The following NOA1 variants were observed in gnomAD, a reference collection of about 807,000 sequenced individuals.
NOA1 encodes nitric oxide-associated protein 1.
Under a neutral mutation model 58.4 loss-of-function variants are expected in NOA1, and 35 were observed. The observed-to-expected ratio is 0.60, with a 90% CI of 0.46 to 0.79. The LOEUF is 0.79. NOA1 is among the 30% of genes least tolerant of loss of function. The pLI, the probability that NOA1 is intolerant of heterozygous loss-of-function variation, is 0.00. For synonymous variants in NOA1, 397 were observed against 373.4 expected, an observed-to-expected ratio of 1.06 and a Z score of -0.73; for missense variants, 895 against 894.6, an observed-to-expected ratio of 1.00 and a Z score of -0.01.
At position 56,977,094 on chromosome 4, in the gene NOA1, G is replaced by A. The variant is rs891821095; in HGVS notation, c.492C>T (p.Phe164=). 2 of 1,568,668 alleles carry A rather than the reference G, an allele frequency of 1.3e-6. No individual in the cohort carries two copies. Among genetic ancestry groups the A allele is most frequent in the Non-Finnish European group, 1.7e-6 (2 of 1,160,850 alleles). The change falls in exon 1 of 7, where the codon TTC becomes TTT. Residue 164 remains phenylalanine (F), a synonymous_variant. Coordinates refer to ENST00000264230, the MANE Select transcript of NOA1 (RefSeq NM_032313.4). ...GVPGYLPREK[F]LRTAEADGGL... ...CGCCGTCTGCCTCCGCCGTGCGGAG[G>A]AACTTCTCTCGGGGCAGGTAGCCGG... is the stretch of plus-strand genomic sequence containing the variant.
At position 56,977,118 on chromosome 4, in the gene NOA1, G is replaced by C. The variant is rs563555618; in HGVS notation, c.468C>G (p.Pro156=). Residue 156 remains proline, a synonymous_variant, in exon 1 of 7, where the codon CCC becomes CCG. Transcript: ENST00000264230. ...GGAACTTCTCTCGGGGCAGGTAGCC[G>C]GGCACTCCGGCGTCCTGGCAGTGCA... ...AELHCQDAGV[P]GYLPREKFLR... is the part of the protein sequence containing the mutation. 5 of 1,556,780 alleles carry C rather than the reference G, an allele frequency of 3.2e-6. No homozygotes were observed. In the South Asian group the frequency reaches 3.4e-5, roughly 11 times the overall value.
At chr4:56,967,391 A>C (rs9942158) in intron 4 of NOA1, among the ~76,000 whole-genome samples, 14,107 of 151,138 alleles carry the variant, frequency 0.093, 992 homozygotes, top group East Asian at 0.21. Context: ...AAAAAAAAAA[A>C]CAAAAAAACA....
intron 1 of NOA1, 65 bp from the exon 2 acceptor site, chr4:56,974,087 T>TTAATGATTCGGCAACCACC: frequency 1.9e-6 from 2 of 1,060,822 alleles, no homozygotes; most frequent in Admixed American, 4.5e-5. Flanking sequence ...TGAACATTTT[T>TTAATGATTCGGCAACCACC]GAGGATCTAC....
At chr4:56,972,831 G>C (rs1202388670) in intron 3 of NOA1, among the ~76,000 whole-genome samples, 4 of 152,160 alleles carry the variant, frequency 2.6e-5, no homozygotes, top group Non-Finnish European at 5.9e-5. Flanking sequence ...CACAGAACTT[G>C]ATGGCATACA....
At position 56,963,522 on chromosome 4, in the gene NOA1, C is replaced by A; in HGVS notation, c.2025G>T (p.Val675=). 1 of 1,613,888 alleles carries A rather than the reference C, an allele frequency of 6.2e-7. No homozygotes were observed. Among genetic ancestry groups the A allele is most frequent in the African/African-American group, 1.3e-5 (1 of 74,960 alleles). Residue 675 remains valine, a synonymous_variant, in exon 7 of 7, where the codon GTG becomes GTT. Transcript: ENST00000264230. The stretch of plus-strand genomic sequence containing the variant: ...AAGGAGGCTTCTTGGTTTTATAGGC[C>A]ACACTTTTCTTGATGCGCTGTCCTT... ...NIKGQRIKKS[V]AYKTKKPPSL...
rs1721755535 is a variant in NOA1 at position 56,968,415 on chromosome 4, A to C, written c.1616T>G (p.Leu539Trp). The C allele has an allele frequency of 1.2e-6, 2 of 1,612,284 alleles. No individual in the cohort carries two copies. The highest frequency in any genetic ancestry group is 1.7e-6 in the Non-Finnish European group (2 of 1,179,436). ...FVLKPGMVLF[L>W]GAIGRIDFLQ... Reference sequence around the variant, plus strand: ...GAAATCTATGCGGCCTATAGCACCCAAAAACAGAACCATTCCTGGTTTAAG... The same window carrying C: ...GAAATCTATGCGGCCTATAGCACCCCAAAACAGAACCATTCCTGGTTTAAG... Residue 539 changes from leucine (L) to tryptophan (W), a missense_variant, in exon 4 of 7, where the codon TTG (leucine) becomes TGG (tryptophan). Coordinates refer to ENST00000264230, the MANE Select transcript of NOA1 (RefSeq NM_032313.4).
In NOA1 at chr4:56,973,919, T is replaced by A; in HGVS notation, c.1248A>T (p.Glu416Asp). The A allele has an allele frequency of 6.2e-7, 1 of 1,614,160 alleles. No homozygotes were observed. The highest frequency in any genetic ancestry group is 2.2e-5 in the East Asian group (1 of 44,876). Residue 416 changes from glutamate (E) to aspartate (D), a missense_variant, in exon 2 of 7, where the codon GAA (glutamate) becomes GAT (aspartate). Physicochemically the swap from Glu to Asp is conservative, Grantham distance 45. This residue lies in a region of NOA1 where 680 missense variants were observed against 656.5 expected (regional missense o/e 1.04). Transcript: ENST00000264230. ...RLKKDSTQAE[E>D]DLSEQEQNQL... Reference sequence around the variant, plus strand: ...GATTTTGTTCTTGCTCACTAAGATCTTCTTCAGCTTGAGTTGAATCTTTTT... The same window carrying A: ...GATTTTGTTCTTGCTCACTAAGATCATCTTCAGCTTGAGTTGAATCTTTTT...
At position 56,976,994 on chromosome 4, in the gene NOA1, G is replaced by A. The variant is rs1721946386; in HGVS notation, c.592C>T (p.Arg198Cys). The A allele has an allele frequency of 6.3e-7, 1 of 1,594,668 alleles. No homozygotes were observed. Among genetic ancestry groups the A allele is most frequent in the African/African-American group, 1.3e-5 (1 of 74,728 alleles). The change falls in exon 1 of 7, where the codon CGC becomes TGC. Residue 198 changes from arginine (R) to cysteine (C), a missense_variant. Arg to Cys is a radical substitution (Grantham distance 180). Coordinates refer to ENST00000264230, the MANE Select transcript of NOA1 (RefSeq NM_032313.4). ...HRRALRLQVS[R>C]EQYLELVSAA... ...CTCACCAGCTCCAGGTACTGCTCGC[G>A]GCTCACCTGCAGGCGTAGAGCGCGC...
intron 1 of NOA1, among the ~76,000 whole-genome samples, chr4:56,975,084 C>T (rs964983587): frequency 1.6e-4 from 24 of 151,796 alleles, no homozygotes; most frequent in African/African-American, 5.8e-4. Context: ...AGTGCAGTGG[C>T]CCAATTAGGG....
chr4:56,968,384 C>T lies in NOA1; in HGVS notation c.1647G>A (p.Gln549=). The change falls in exon 4 of 7, where the codon CAG becomes CAA. Residue 549 remains glutamine (Q), a splice_region_variant and synonymous_variant. Coordinates refer to ENST00000264230, the MANE Select transcript of NOA1 (RefSeq NM_032313.4). ...TTTTAATAGTACAGACTTTTCTTAC[C>T]TGCAGGAAATCTATGCGGCCTATAG... ...LGAIGRIDFL[Q]GNQSAWFTVV... 2 of 1,607,198 alleles carry T rather than the reference C, an allele frequency of 1.2e-6. No homozygotes were observed. The highest frequency in any genetic ancestry group is 1.7e-6 in the Non-Finnish European group (2 of 1,178,640).
At chr4:56,972,879 C>A (rs1458363627) in intron 3 of NOA1, among the ~76,000 whole-genome samples, 3 of 152,128 alleles carry the variant, frequency 2.0e-5, no homozygotes, top group Non-Finnish European at 2.9e-5. Flanking sequence ...TGAATCAGAA[C>A]TGAGTCTAAA....
At position 56,976,526 on chromosome 4, in the gene NOA1, G is replaced by A. The variant is rs1333648207; in HGVS notation, c.1060C>T (p.Leu354Phe). ...TCGGACTCCAGGAGCGTGTTAAAGA[G>A]AGTGGATTTGCCGGCGTTGGTGGCG... ...VGATNAGKST[L>F]FNTLLESDYC... Residue 354 changes from leucine (L) to phenylalanine (F), a missense_variant, in exon 1 of 7, where the codon CTC becomes TTC. Around this residue, in one of 3 missense-constraint regions of NOA1, gnomAD observed 680 missense variants for 656.5 expected, o/e 1.04. Coordinates refer to ENST00000264230, the MANE Select transcript of NOA1 (RefSeq NM_032313.4). 6.2e-7 allele frequency: 1 copy of A among 1,614,246 alleles called. No homozygotes were observed. Among genetic ancestry groups the A allele is most frequent in the South Asian group, 1.1e-5 (1 of 91,088 alleles).
intron 3 of NOA1, among the ~76,000 whole-genome samples, chr4:56,969,445 A>C (rs1026985394): frequency 6.6e-6 from 1 of 151,938 alleles, no homozygotes; most frequent in African/African-American, 2.4e-5. Context: ...GGTGGCGTGC[A>C]CCTGTAATCC....
At position 56,968,442 on chromosome 4, in the gene NOA1, A is replaced by T. The variant is rs764409686; in HGVS notation, c.1589T>A (p.Val530Glu). 82 of 1,613,084 alleles carry T rather than the reference A, an allele frequency of 5.1e-5. No homozygotes were observed. Among genetic ancestry groups the T allele is most frequent in the Non-Finnish European group, 5.9e-6 (7 of 1,179,734 alleles). ...AAACAGAACCATTCCTGGTTTAAGC[A>T]CAAAAGTTCTTGGAACAATGGACTG... Reference protein sequence around the residue: ...PTQSIVPRTFVLKPGMVLFLG... With the variant: ...PTQSIVPRTFELKPGMVLFLG... The change falls in exon 4 of 7, where the codon GTG becomes GAG. Residue 530 changes from valine to glutamate, a missense_variant. Around this residue, in one of 3 missense-constraint regions of NOA1, gnomAD observed 212 missense variants for 221.3 expected, o/e 0.96. Transcript: ENST00000264230.
In NOA1 at chr4:56,966,184, G is replaced by A. The variant is rs538800279; in HGVS notation, c.1764+436C>T. ...TGGGATTACAGGCACCCATCACCAC[G>A]CCTGGCTAATTTTTGTATTTTTAGT... On this transcript the variant is annotated intron_variant, in intron 5 of 6. Transcript: ENST00000264230. 1.5e-3 allele frequency among the ~76,000 whole-genome samples: 223 copies of A among 151,976 alleles called. 1 individual carries two copies. Among genetic ancestry groups the A allele is most frequent in the African/African-American group, 5.1e-3 (212 of 41,446 alleles).
chr4:56,968,168 T>C (rs1238027920), intron 4 of NOA1, among the ~76,000 whole-genome samples: 1 of 152,122 alleles, frequency 6.6e-6, no homozygotes, highest in African/African-American at 2.4e-5. Flanking sequence ...TCAGCCTGCC[T>C]CAGCCTCCCA....
In NOA1 at chr4:56,963,552, G is replaced by A. The variant is rs148362007; in HGVS notation, c.1995C>T (p.Asn665=). The change falls in exon 7 of 7, where the codon AAC becomes AAT. Residue 665 remains asparagine (N), a synonymous_variant. Coordinates refer to ENST00000264230, the MANE Select transcript of NOA1 (RefSeq NM_032313.4). ...TTTTCTTGATGCGCTGTCCTTTGAT[G>A]TTAACAATATATGGCAAGAGAGGGG... ...VRPPLLPYIV[N]IKGQRIKKSV... The A allele has an allele frequency of 2.1e-3, 3,452 of 1,614,102 alleles. 6 individuals carry two copies. The highest frequency in any genetic ancestry group is 7.6e-3 in the Middle Eastern group (46 of 6,062).
At chr4:56,968,221 C>A (rs1380199424) in intron 4 of NOA1, among the ~76,000 whole-genome samples, 163 bp downstream of exon 4, 2 of 151,966 alleles carry the variant, frequency 1.3e-5, no homozygotes, top group African/African-American at 4.8e-5. Flanking sequence ...CCCAGCCATC[C>A]CCAAGTTTTT....
Position 56,963,411 on chromosome 4 carries a change from G to A in NOA1, c.*39C>T. On this transcript the variant is annotated 3_prime_UTR_variant, in exon 7 of 7. Coordinates refer to ENST00000264230, the MANE Select transcript of NOA1 (RefSeq NM_032313.4). ...ATACAAATTCAATGTATTTTGTTGT[G>A]TTCAATACAGTTAATATCTGGAGTG... 6.9e-7 allele frequency: 1 copy of A among 1,452,800 alleles called. No individual in the cohort carries two copies. Among genetic ancestry groups the A allele is most frequent in the Non-Finnish European group, 9.7e-7 (1 of 1,034,342 alleles). The allele number at this position is 1,452,800 out of a possible 1,614,324, so 90.0% of individuals were successfully genotyped here. A position where few individuals can be genotyped will look rare whatever the true frequency, so the allele number is the denominator to read the frequency against.
Sources: gnomAD v4.1 joint callset for allele counts (sites outside exome capture counted in the v4.1 genomes callset) on GRCh38, gnomAD v4.1.1 for gene constraint, gnomAD v4.1.1 regional missense constraint, MANE v1.5 for transcripts, NCBI Gene and HGNC (gene_info 2026-07-23, HGNC 2026-07-21) for gene names.